KIAA1549: variants seen among roughly 807,000 people sequenced by gnomAD.
The protein encoded by KIAA1549 is UPF0606 protein KIAA1549.
A neutral mutation model predicts 156.4 loss-of-function variants in KIAA1549; 70 were observed. The observed-to-expected ratio is 0.45, with a 90% CI of 0.37 to 0.55. The LOEUF is 0.55. KIAA1549 is among the 20% of genes least tolerant of loss of function. The pLI is 0.00. For synonymous variants in KIAA1549, 1,103 were observed against 1,066.4 expected, an observed-to-expected ratio of 1.03 and a Z score of -0.67; for missense variants, 2,428 against 2,540.9, an observed-to-expected ratio of 0.96 and a Z score of 0.96.
At chr7:138,844,559 A>C in intron 17 of KIAA1549, 85 bp from the exon 18 acceptor site, 1 of 1,249,182 alleles carries the variant, frequency 8.0e-7, no homozygotes, top group Non-Finnish European at 1.1e-6. Flanking sequence ...ACCTTACAGA[A>C]GGTAACACTT....
chr7:138,894,479 AGTT>A lies in KIAA1549; in HGVS notation c.3892_3894del (p.Asn1298del). ...ATGACCACGCCAACAATGACCCACA[AGTT>A]GTTGCTCTGGGATTCCGGAGACGGC... On this transcript the variant is annotated inframe_deletion, in exon 10 of 20. Coordinates refer to ENST00000422774, the MANE Select transcript of KIAA1549 (RefSeq NM_001164665.2). 1 of 1,613,990 alleles carries A rather than the reference AGTT, an allele frequency of 6.2e-7. No homozygotes were observed.
In KIAA1549 at chr7:138,874,904, A is replaced by C. The variant is rs541954173; in HGVS notation, c.4346-3542T>G. Reference sequence around the variant, plus strand: ...CAGCTACTCGGGAGGCTGAGAAGAGATGATCACCTGTGCCTGGAAGGTCAA... The same window carrying C: ...CAGCTACTCGGGAGGCTGAGAAGAGCTGATCACCTGTGCCTGGAAGGTCAA... On this transcript the variant is annotated intron_variant, in intron 12 of 19. Transcript: ENST00000422774. 2.0e-5 allele frequency among the ~76,000 whole-genome samples: 3 copies of C among 152,210 alleles called. No homozygotes were observed. The South Asian group carries it at 6.2e-4, about 32-fold the overall frequency.
intron 1 of KIAA1549, among the ~76,000 whole-genome samples, chr7:138,974,766 T>A (rs1814323211): frequency 6.6e-6 from 1 of 150,608 alleles, no homozygotes; most frequent in African/African-American, 2.4e-5. Context: ...TCGCAATGAA[T>A]GAAAACAGCA....
Position 138,881,564 on chromosome 7 carries a change from C to T in KIAA1549, c.4053G>A (p.Lys1351=). 6.2e-7 allele frequency: 1 copy of T among 1,613,480 alleles called. No individual in the cohort carries two copies. Among genetic ancestry groups the T allele is most frequent in the Non-Finnish European group, 8.5e-7 (1 of 1,179,646 alleles). ...QRQKLQIPSV[K]GFDFAKQHLG... Reference sequence around the variant, plus strand: ...GATGCTGCTTAGCAAAATCGAAGCCCTTCACACTAGGGATCTGCAGCTGAA... The same window carrying T: ...GATGCTGCTTAGCAAAATCGAAGCCTTTCACACTAGGGATCTGCAGCTGAA... Residue 1351 remains lysine (K), a synonymous_variant, in exon 11 of 20, where the codon AAG becomes AAA. Transcript: ENST00000422774.
intron 1 of KIAA1549, among the ~76,000 whole-genome samples, chr7:138,974,669 T>A (rs1188208979): frequency 6.6e-6 from 1 of 151,786 alleles, no homozygotes; most frequent in Non-Finnish European, 1.5e-5. Context: ...GTGACCCACC[T>A]GCCTCAGCCT....
chr7:138,960,457 C>A (rs181946020), intron 1 of KIAA1549, among the ~76,000 whole-genome samples: 78 of 151,768 alleles, frequency 5.1e-4, no homozygotes, highest in African/African-American at 1.8e-3. Context: ...TACAGGCACC[C>A]GCCACTATGC....
At chr7:138,957,459 CCTT>C (rs57229286) in intron 1 of KIAA1549, among the ~76,000 whole-genome samples, 178 of 125,268 alleles carry the variant, frequency 1.4e-3, no homozygotes, top group African/African-American at 4.5e-3. Context: ...CCCTCCTTCT[CCTT>C]CTTCTTCTTC....
rs1169361441 is a variant in KIAA1549, at chr7:138,940,260, T to C, written c.188-20822A>G. Among the ~76,000 whole-genome samples the C allele has an allele frequency of 4.1e-4, 56 of 136,578 alleles. 1 individual carries two copies. The highest frequency in any genetic ancestry group is 1.4e-4 in the Non-Finnish European group (9 of 65,238). 89.6% of individuals were successfully genotyped at this position (136,578 alleles called of 152,430 possible). ...ATTCCCACCTATGAGTGAGAACATG[T>C]GGTGTTTGGTTTTTTGTCCTTGTGA... On this transcript the variant is annotated intron_variant, in intron 1 of 19. Coordinates refer to ENST00000422774, the MANE Select transcript of KIAA1549 (RefSeq NM_001164665.2).
In KIAA1549 at chr7:138,918,921, A is replaced by C; in HGVS notation, c.705T>G (p.Ala235=). Residue 235 remains alanine, a synonymous_variant, in exon 2 of 20, where the codon GCT becomes GCG. Coordinates refer to ENST00000422774, the MANE Select transcript of KIAA1549 (RefSeq NM_001164665.2). This position sits in a 1 kb window ranked among gnomAD's most constrained non-coding sequence, Gnocchi z 4.2. The part of the protein sequence containing the change: ...SASHFHTFRS[A]FRTSEGIVPT... The stretch of plus-strand genomic sequence containing the variant: ...GAACGATGCCCTCAGAGGTGCGAAA[A>C]GCTGACCGAAAGGTGTGGAAATGAC... The C allele has an allele frequency of 4.3e-6, 7 of 1,614,036 alleles. No homozygotes were observed.
At chr7:138,953,381 T>C (rs1813554313) in intron 1 of KIAA1549, among the ~76,000 whole-genome samples, 1 of 151,782 alleles carries the variant, frequency 6.6e-6, no homozygotes, top group Non-Finnish European at 1.5e-5. Flanking sequence ...AAAATGTAAA[T>C]AATAAATAAG....
intron 16 of KIAA1549, among the ~76,000 whole-genome samples, chr7:138,857,591 T>G (rs987199346): frequency 6.6e-6 from 1 of 152,254 alleles, no homozygotes; most frequent in African/African-American, 2.4e-5. Flanking sequence ...TTGTTTACAT[T>G]CTCATCACCA....
At chr7:138,964,550 G>A (rs748897059) in intron 1 of KIAA1549, among the ~76,000 whole-genome samples, 1 of 152,162 alleles carries the variant, frequency 6.6e-6, no homozygotes, top group Non-Finnish European at 1.5e-5. Context: ...TAATTGTTGG[G>A]TATTATTATT....
rs1191016536 is a variant in KIAA1549, at chr7:138,862,503, T to TA, written c.4930-1048dup. Reference sequence around the variant, plus strand: ...TGGGTAACAGAGAGACCTAGACTCTTAAAAAAAAAAAAAAGAAAAAGAAAA... The same window carrying TA: ...TGGGTAACAGAGAGACCTAGACTCTTAAAAAAAAAAAAAAAGAAAAAGAAAA... On this transcript the variant is annotated intron_variant, in intron 15 of 19. Coordinates refer to ENST00000422774, the MANE Select transcript of KIAA1549 (RefSeq NM_001164665.2). 2.1e-3 allele frequency among the ~76,000 whole-genome samples: 242 copies of TA among 114,514 alleles called. 1 individual carries two copies. The highest frequency in any genetic ancestry group is 4.7e-3 in the Middle Eastern group (1 of 212). 75.1% of individuals were successfully genotyped at this position (114,514 alleles called of 152,430 possible).
At position 138,832,709 on chromosome 7, in the gene KIAA1549, G is replaced by A. The variant is rs183329817; in HGVS notation, c.*5197C>T. ...TAATATTCTTTTCCTAAATTTCAATGCTGCTGTGTTTTAAGATAAATTATC... is the reference window on the plus strand; with the variant it reads ...TAATATTCTTTTCCTAAATTTCAATACTGCTGTGTTTTAAGATAAATTATC... On this transcript the variant is annotated 3_prime_UTR_variant, in exon 20 of 20. Coordinates refer to ENST00000422774, the MANE Select transcript of KIAA1549 (RefSeq NM_001164665.2). 6.0e-4 allele frequency: 132 copies of A among 218,196 alleles called. 1 individual carries two copies. The highest frequency in any genetic ancestry group is 1.3e-4 in the Non-Finnish European group (14 of 108,762). The allele number at this position is 218,196 out of a possible 1,614,324, so 13.5% of individuals were successfully genotyped here.
chr7:138,940,867 T>G (rs1228882906), intron 1 of KIAA1549, among the ~76,000 whole-genome samples: 1 of 152,144 alleles, frequency 6.6e-6, no homozygotes, highest in South Asian at 2.1e-4. Context: ...GGGTTGTTTG[T>G]TTTTTTCTTG....
chr7:138,904,782 T>TA (rs780792342), intron 7 of KIAA1549, among the ~76,000 whole-genome samples: 3 of 152,216 alleles, frequency 2.0e-5, no homozygotes, highest in Non-Finnish European at 4.4e-5. Flanking sequence ...CAGTTCCTGT[T>TA]AGACTCTGCC....
intron 1 of KIAA1549, among the ~76,000 whole-genome samples, chr7:138,960,453 C>T (rs1304534095): frequency 6.6e-6 from 1 of 151,482 alleles, no homozygotes; most frequent in African/African-American, 2.4e-5. Flanking sequence ...GGATTACAGG[C>T]ACCCGCCACT....
intron 9 of KIAA1549, 141 bp from the exon 10 acceptor site, chr7:138,894,667 A>G: frequency 1.4e-6 from 1 of 723,246 alleles, no homozygotes; most frequent in Non-Finnish European, 2.3e-6. Flanking sequence ...TCCTGATGAC[A>G]GGAAATGTGA....
At chr7:138,872,825 G>A (rs925798882) in intron 12 of KIAA1549, among the ~76,000 whole-genome samples, 1 of 152,154 alleles carries the variant, frequency 6.6e-6, no homozygotes, top group Non-Finnish European at 1.5e-5. Flanking sequence ...GATCCCTTAA[G>A]CCCAGGAGGT....
Sources: allele counts gnomAD v4.1 joint callset (sites outside exome capture counted in the v4.1 genomes callset), GRCh38; gene constraint gnomAD v4.1.1; non-coding constraint Gnocchi (gnomAD v3.1); transcripts MANE v1.5; gene names NCBI Gene and HGNC (gene_info 2026-07-23, HGNC 2026-07-21).